CAST: variants seen among roughly 807,000 people sequenced by gnomAD.
The protein encoded by CAST is MIR583 host.
A neutral mutation model predicts 119.6 loss-of-function variants in CAST; 76 were observed. The ratio of observed to expected loss-of-function variants is 0.64; its 90% CI spans 0.53 to 0.77. The LOEUF is 0.77. Among genes scored for constraint, CAST ranks in the 30% least tolerant of loss-of-function variants. The pLI, the probability that CAST is intolerant of heterozygous loss-of-function variation, is 0.00. For synonymous variants in CAST, 319 were observed against 331.6 expected, an observed-to-expected ratio of 0.96 and a Z score of 0.41; for missense variants, 953 against 946.5, an observed-to-expected ratio of 1.01 and a Z score of -0.09.
chr5:96,047,644 T>G, the CAST span, among the ~76,000 whole-genome samples: 1 of 152,224 alleles, frequency 6.6e-6, no homozygotes, highest in African/African-American at 2.4e-5. Context: ...ATCTATTAAC[T>G]GTTTGTTGAG....
chr5:96,501,200 C>G, the CAST span, among the ~76,000 whole-genome samples: 2 of 152,004 alleles, frequency 1.3e-5, no homozygotes, highest in African/African-American at 4.8e-5. Flanking sequence ...AATGAAAAGG[C>G]CTGAGACAAC....
Position 96,662,606 on chromosome 5 carries a change from G to C in CAST, c.75+109G>C, listed in dbSNP as rs867091061. On this transcript the variant is annotated intron_variant, in intron 1 of 31. Transcript: ENST00000675179. ...CCAGGCTGGCGGGTCTGCAGTCCCC[G>C]GCGCCCCCGCGGGGCAGGGAGAGGG... 66 of 1,265,540 alleles carry C rather than the reference G, an allele frequency of 5.2e-5. No homozygotes were observed. In the South Asian group the frequency reaches 1.6e-3, roughly 30 times the overall value. The allele number at this position is 1,265,540 out of a possible 1,614,324, so 78.4% of individuals were successfully genotyped here. A position where few individuals can be genotyped will look rare whatever the true frequency, so the allele number is the denominator to read the frequency against.
At chr5:96,634,086 T>C (rs1747856313) in intron 1 of CAST, among the ~76,000 whole-genome samples, 1 of 152,262 alleles carries the variant, frequency 6.6e-6, no homozygotes, top group African/African-American at 2.4e-5. Flanking sequence ...CCGAGTTTTA[T>C]ACTGTGTCTA....
chr5:96,526,953 G>C (rs539053356), upstream of CAST, among the ~76,000 whole-genome samples: 3 of 152,118 alleles, frequency 2.0e-5, no homozygotes, highest in Non-Finnish European at 4.4e-5. Flanking sequence ...GAGTGGCAGG[G>C]GTAGGTAGTG....
chr5:95,971,451 G>T, the CAST span, among the ~76,000 whole-genome samples: 1 of 152,120 alleles, frequency 6.6e-6, no homozygotes, highest in African/African-American at 2.4e-5. Flanking sequence ...TTAAGTGTTA[G>T]CTCAGGTAAC....
the CAST span, among the ~76,000 whole-genome samples, chr5:95,989,916 C>CT: frequency 9.2e-5 from 14 of 152,104 alleles, no homozygotes; most frequent in Non-Finnish European, 8.8e-5. Context: ...AGTAATAACT[C>CT]TAACAAGGAA....
At chr5:96,244,544 C>A in the CAST span, among the ~76,000 whole-genome samples, 243 of 152,120 alleles carry the variant, frequency 1.6e-3, 1 homozygote, top group African/African-American at 5.5e-3. Context: ...TTATAGATAC[C>A]GGACATTATT....
chr5:96,245,771 T>C, the CAST span, among the ~76,000 whole-genome samples: 3 of 152,192 alleles, frequency 2.0e-5, no homozygotes, highest in African/African-American at 7.2e-5. Context: ...ACTTGGTCTA[T>C]GTGAGATTGT....
At chr5:96,018,758 G>A in the CAST span, among the ~76,000 whole-genome samples, 1 of 152,100 alleles carries the variant, frequency 6.6e-6, no homozygotes, top group Admixed American at 6.5e-5. Flanking sequence ...ATAATTCCTT[G>A]TAGTAAAGTA....
rs774410415 is a variant in CAST at position 96,741,358 on chromosome 5, G to A, written c.1011G>A (p.Glu337=). The A allele has an allele frequency of 2.8e-5, 45 of 1,599,956 alleles. No individual in the cohort carries two copies. The Admixed American group carries it at 7.0e-4, about 25-fold the overall frequency. Reference sequence around the variant, plus strand: ...CTGCTGGAAAGAAAACTGAAAAAGAGGTATTGTTTTTAGTGTTGTTAAGGG... The same window carrying A: ...CTGCTGGAAAGAAAACTGAAAAAGAAGTATTGTTTTTAGTGTTGTTAAGGG... ...PTAAGKKTEK[E]ESTEVLKAQS... The change falls in exon 14 of 32, where the codon GAG becomes GAA. Residue 337 remains glutamate (E), a splice_region_variant and synonymous_variant. Coordinates refer to ENST00000675179, the MANE Select transcript of CAST (RefSeq NM_001750.7).
the CAST span, among the ~76,000 whole-genome samples, chr5:96,225,234 C>A: frequency 1.3e-5 from 2 of 152,000 alleles, no homozygotes; most frequent in Non-Finnish European, 2.9e-5. Flanking sequence ...TTTTTTCCTT[C>A]CTTTCCTTCT....
intron 1 of CAST, among the ~76,000 whole-genome samples, chr5:96,653,377 A>G (rs1017128469): frequency 1.3e-5 from 2 of 152,244 alleles, no homozygotes; most frequent in Admixed American, 6.5e-5. Context: ...CTAGAAAAAC[A>G]GATGATTAAA....
In CAST at chr5:96,744,126, A is replaced by G. The variant is rs75523593; in HGVS notation, c.1200+1370A>G. On this transcript the variant is annotated intron_variant, in intron 16 of 31. Coordinates refer to ENST00000675179, the MANE Select transcript of CAST (RefSeq NM_001750.7). ...GTGGGTAACTAGTTTGGGAATGCAT[A>G]TGAATGTATTAAGTTCCCTCTAGAA... is the stretch of plus-strand genomic sequence containing the variant. Among the ~76,000 whole-genome samples the G allele has an allele frequency of 3.5e-4, 54 of 152,344 alleles. No individual in the cohort carries two copies. The East Asian group carries it at 5.6e-3, about 16-fold the overall frequency.
the CAST span, chr5:96,110,827 G>A: frequency 6.6e-6 from 1 of 152,260 alleles, no homozygotes; most frequent in East Asian, 1.9e-4. Context: ...ATAGCTAAAT[G>A]TTTTCAATTC....
the CAST span, among the ~76,000 whole-genome samples, chr5:96,057,182 CTGTGAT>C: frequency 6.6e-6 from 1 of 152,182 alleles, no homozygotes; most frequent in Non-Finnish European, 1.5e-5. Context: ...GACTGAAACT[CTGTGAT>C]TGCTATAAGA....
At chr5:96,275,840 C>T in the CAST span, among the ~76,000 whole-genome samples, 1 of 152,152 alleles carries the variant, frequency 6.6e-6, no homozygotes, top group Admixed American at 6.5e-5. Flanking sequence ...GATAGAGCCT[C>T]CGCCTTAATT....
At chr5:96,367,833 G>A in the CAST span, among the ~76,000 whole-genome samples, 1 of 151,864 alleles carries the variant, frequency 6.6e-6, no homozygotes, top group Non-Finnish European at 1.5e-5. Context: ...CCTCTATCCT[G>A]CACCCACTGT....
At chr5:96,227,833 C>T in the CAST span, among the ~76,000 whole-genome samples, 1 of 152,142 alleles carries the variant, frequency 6.6e-6, no homozygotes, top group Non-Finnish European at 1.5e-5. Flanking sequence ...CACTTTCCCA[C>T]ACTCGCTTGT....
At chr5:96,585,948 CG>C (rs1328023434) in intron 1 of CAST, among the ~76,000 whole-genome samples, 12 of 152,096 alleles carry the variant, frequency 7.9e-5, no homozygotes, top group Admixed American at 2.6e-4. Flanking sequence ...AGTTTTAAAA[CG>C]ATTGTAATAT....
Sources: gnomAD v4.1 joint callset for allele counts (sites outside exome capture counted in the v4.1 genomes callset) on GRCh38, gnomAD v4.1.1 for gene constraint, MANE v1.5 for transcripts, NCBI Gene and HGNC (gene_info 2026-07-23, HGNC 2026-07-21) for gene names.